The following RYR3 variants were observed in gnomAD, a reference collection of about 807,000 sequenced individuals.
RYR3 encodes brain ryanodine receptor-calcium release channel.
A neutral mutation model predicts 584.3 loss-of-function variants in RYR3; 207 were observed. That is an observed-to-expected ratio of 0.35 (90% CI 0.32 to 0.40). RYR3 has a LOEUF of 0.40. Ranked by LOEUF, RYR3 falls within the 10% of genes least tolerant of loss-of-function variation. The pLI is 1.00. For missense variants in RYR3, 5,616 were observed against 6,089.2 expected, an observed-to-expected ratio of 0.92 and a Z score of 2.59; for synonymous variants, 2,416 against 2,248.5, an observed-to-expected ratio of 1.07 and a Z score of -2.11.
intron 12 of RYR3, among the ~76,000 whole-genome samples, chr15:33,577,044 G>C (rs767021481): frequency 3.3e-5 from 5 of 151,970 alleles, no homozygotes; most frequent in Non-Finnish European, 5.9e-5. Flanking sequence ...AAAATACCTA[G>C]GAATACAGCT....
intron 52 of RYR3, among the ~76,000 whole-genome samples, chr15:33,745,737 C>T (rs1321519376): frequency 2.0e-5 from 3 of 152,314 alleles, no homozygotes; most frequent in African/African-American, 4.8e-5. Context: ...GTCCTAGCCT[C>T]TGTTCTTCCT....
chr15:33,848,826 CTTTTTTTTTTT>C (rs769204969), intron 94 of RYR3, among the ~76,000 whole-genome samples: 5 of 75,252 alleles, frequency 6.6e-5, no homozygotes, highest in South Asian at 6.0e-4. Flanking sequence ...CTGAAGTCCT[CTTTTTTTTTTT>C]TTTTTTTTTT....
chr15:33,670,803 G>A (rs935970226), intron 38 of RYR3, among the ~76,000 whole-genome samples: 1 of 151,970 alleles, frequency 6.6e-6, no homozygotes, highest in Non-Finnish European at 1.5e-5. Flanking sequence ...TCTTGCTGTC[G>A]TGTTCTACTT....
At chr15:33,559,418 G>A (rs1464291510) in intron 10 of RYR3, among the ~76,000 whole-genome samples, 3 of 152,296 alleles carry the variant, frequency 2.0e-5, no homozygotes, top group South Asian at 2.1e-4. Flanking sequence ...AACAGGAGAC[G>A]TGCCACACCA....
intron 1 of RYR3, among the ~76,000 whole-genome samples, chr15:33,358,602 G>A (rs867878550): frequency 1.3e-4 from 18 of 141,632 alleles, no homozygotes; most frequent in Middle Eastern, 3.7e-3. Context: ...CCCCACAAAA[G>A]ATTTGATTTA....
At position 33,633,052 on chromosome 15, in the gene RYR3, C is replaced by A. The variant is rs1244980612; in HGVS notation, c.2971C>A (p.His991Asn). ...ILVDKLAENAHNVWAKDRIKQ... is the reference protein window; with the variant it reads ...ILVDKLAENANNVWAKDRIKQ... The stretch of plus-strand genomic sequence containing the variant: ...AGTGGATAAGCTTGCAGAAAATGCA[C>A]ACAATGTTTGGGCAAAAGACAGAAT... Residue 991 changes from histidine to asparagine, a missense_variant, in exon 24 of 104, where the codon CAC becomes AAC. This residue lies in a region of RYR3 where 1,284 missense variants were observed against 1,344.6 expected (regional missense o/e 0.95). Coordinates refer to ENST00000634891, the MANE Select transcript of RYR3 (RefSeq NM_001036.6). 6.2e-7 allele frequency: 1 copy of A among 1,614,018 alleles called. No individual in the cohort carries two copies. The highest frequency in any genetic ancestry group is 2.2e-5 in the East Asian group (1 of 44,882).
chr15:33,473,295 TAAAAA>T, intron 1 of RYR3, 119 bp from the exon 2 acceptor site: 1 of 1,149,548 alleles, frequency 8.7e-7, no homozygotes, highest in East Asian at 2.3e-5. Flanking sequence ...GGTTTAAAAA[TAAAAA>T]CAAAAAGCAC....
intron 95 of RYR3, 26 bp from the exon 96 acceptor site, chr15:33,853,529 G>A (rs2079325011): frequency 1.2e-6 from 2 of 1,611,106 alleles, no homozygotes; most frequent in Non-Finnish European, 8.5e-7. Context: ...TGTGGCCTGA[G>A]CTCACCCTGT....
intron 88 of RYR3, 144 bp downstream of exon 88, chr15:33,837,131 A>G (rs1567283484): frequency 3.2e-6 from 2 of 634,086 alleles, no homozygotes; most frequent in East Asian, 5.5e-5. Context: ...GAAACGAAAA[A>G]TAAAATGAGG....
At chr15:33,828,127 C>A (rs1489273555) in intron 85 of RYR3, among the ~76,000 whole-genome samples, 1 of 152,172 alleles carries the variant, frequency 6.6e-6, no homozygotes, top group Admixed American at 6.5e-5. Flanking sequence ...GATCTGTGAT[C>A]AGTGATCTTC....
chr15:33,468,540 T>G (rs954819868), intron 1 of RYR3, among the ~76,000 whole-genome samples: 7 of 152,182 alleles, frequency 4.6e-5, no homozygotes, highest in Non-Finnish European at 1.0e-4. Flanking sequence ...TCAATGAAAA[T>G]GACCCTGTTA....
rs1555488268 is a variant in RYR3, at chr15:33,844,904, A to G, written c.13339A>G (p.Asn4447Asp). The G allele has an allele frequency of 6.2e-7, 1 of 1,614,044 alleles. No individual in the cohort carries two copies. The highest frequency in any genetic ancestry group is 8.5e-7 in the Non-Finnish European group (1 of 1,179,898). ...PLEEETEDVA[N>D]LWNSFNDEEE... ...AGAAGAAGAGACAGAGGATGTTGCAAACCTATGGAATTCCTTTAATGACGA... is the reference window on the plus strand; with the variant it reads ...AGAAGAAGAGACAGAGGATGTTGCAGACCTATGGAATTCCTTTAATGACGA... Residue 4447 changes from asparagine (N) to aspartate (D), a missense_variant, in exon 93 of 104, where the codon AAC (asparagine) becomes GAC (aspartate). Physicochemically the swap from Asn to Asp is conservative, Grantham distance 23. Transcript: ENST00000634891.
At chr15:33,699,921 C>A in intron 41 of RYR3, 88 bp downstream of exon 41, 3 of 1,306,734 alleles carry the variant, frequency 2.3e-6, no homozygotes, top group Admixed American at 2.0e-5. Flanking sequence ...GGGAAAGGAG[C>A]CACATGCACG....
chr15:33,358,962 AT>A (rs1974369210), intron 1 of RYR3, among the ~76,000 whole-genome samples: 1 of 152,180 alleles, frequency 6.6e-6, no homozygotes, highest in Non-Finnish European at 1.5e-5. Context: ...TGCTTTGAGT[AT>A]TTTAAGTATT....
In RYR3 at chr15:33,601,507, G is replaced by T. The variant is rs777760026; in HGVS notation, c.1877G>T (p.Arg626Leu). ...CTGATCTGTGACAACTTGCTGCCCC[G>T]GAGAAACCTACTCCTGCAGACACGA... is the stretch of plus-strand genomic sequence containing the variant. The part of the protein sequence containing the change: ...QNLICDNLLP[R>L]RNLLLQTRLI... Residue 626 changes from arginine (R) to leucine (L), a missense_variant, in exon 17 of 104, where the codon CGG becomes CTG. Arg to Leu is a moderately radical substitution (Grantham distance 102, BLOSUM62 -2). Coordinates refer to ENST00000634891, the MANE Select transcript of RYR3 (RefSeq NM_001036.6). 2 of 1,613,582 alleles carry T rather than the reference G, an allele frequency of 1.2e-6. No individual in the cohort carries two copies. The highest frequency in any genetic ancestry group is 1.7e-6 in the Non-Finnish European group (2 of 1,179,794).
Position 33,818,692 on chromosome 15 carries a change from C to T in RYR3, c.10706+8C>T, listed in dbSNP as rs370713645. 1.0e-5 allele frequency: 16 copies of T among 1,600,308 alleles called. No homozygotes were observed. Among genetic ancestry groups the T allele is most frequent in the Non-Finnish European group, 1.2e-5 (14 of 1,168,292 alleles). On this transcript the variant is annotated splice_region_variant and intron_variant, in intron 76 of 103. Coordinates refer to ENST00000634891, the MANE Select transcript of RYR3 (RefSeq NM_001036.6). ...CGCTCTCACGGAGAGGAGGTCAGAA[C>T]CACCAGCTCACCTGCTTCTCCCAGG...
At chr15:33,428,374 GA>G (rs2044827014) in intron 1 of RYR3, among the ~76,000 whole-genome samples, 1 of 152,194 alleles carries the variant, frequency 6.6e-6, no homozygotes, top group Non-Finnish European at 1.5e-5. Context: ...CTCAATTTAT[GA>G]AAAGTCATTG....
chr15:33,636,279 A>C, intron 26 of RYR3, 97 bp from the exon 27 acceptor site: 5 of 1,024,084 alleles, frequency 4.9e-6, no homozygotes, highest in Non-Finnish European at 7.5e-6. Flanking sequence ...TCATGTAACC[A>C]CTACTAGTTA....
chr15:33,430,189 T>G (rs1274538955), intron 1 of RYR3, among the ~76,000 whole-genome samples: 1 of 152,246 alleles, frequency 6.6e-6, no homozygotes, highest in African/African-American at 2.4e-5. Context: ...ATATCAGGAT[T>G]GCAGTGAGCG....
Sources: allele counts gnomAD v4.1 joint callset (sites outside exome capture counted in the v4.1 genomes callset), GRCh38; gene constraint gnomAD v4.1.1; regional missense constraint gnomAD v4.1.1; transcripts MANE v1.5; gene names NCBI Gene and HGNC (gene_info 2026-07-23, HGNC 2026-07-21).